Variants in DPP6 observed in about 807,000 individuals in gnomAD.
DPP6 encodes the protein dipeptidyl peptidase like 6.
Under a neutral mutation model 122.6 loss-of-function variants are expected in DPP6, and 69 were observed. The observed-to-expected ratio is 0.56, with a 90% CI of 0.46 to 0.69. DPP6 has a LOEUF of 0.69. DPP6 is among the 30% of genes least tolerant of loss of function. The pLI is 0.00. For synonymous variants in DPP6, 418 were observed against 433.1 expected (o/e 0.97, Z 0.43); for missense variants, 928 against 1,116.9 (o/e 0.83, Z 2.41).
chr7:154,504,440 G>T (rs1825510485), intron 3 of DPP6, among the ~76,000 whole-genome samples: 1 of 152,138 alleles, frequency 6.6e-6, no homozygotes, highest in Admixed American at 6.6e-5. Flanking sequence ...GCGATGTGAC[G>T]TATGATCATT....
At chr7:154,314,380 C>T (rs1807246246) in intron 1 of DPP6, among the ~76,000 whole-genome samples, 1 of 152,196 alleles carries the variant, frequency 6.6e-6, no homozygotes, top group Non-Finnish European at 1.5e-5. Flanking sequence ...TTATTTTCAG[C>T]ATTTGGTCAG....
chr7:154,533,722 G>A (rs2130151432), intron 3 of DPP6, among the ~76,000 whole-genome samples: 1 of 152,270 alleles, frequency 6.6e-6, no homozygotes, highest in African/African-American at 2.4e-5. Context: ...AATAGGCCTG[G>A]CATGGTGCCT....
chr7:154,460,170 C>A (rs117166342), intron 2 of DPP6, among the ~76,000 whole-genome samples: 1 of 151,756 alleles, frequency 6.6e-6, no homozygotes, highest in African/African-American at 2.4e-5. Flanking sequence ...TTAATAGAGA[C>A]GGGGTTTCGC....
Position 154,366,353 on chromosome 7 carries a change from C to T in DPP6, c.244-79861C>T, listed in dbSNP as rs528878366. Reference sequence around the variant, plus strand: ...TCCCTGCATCTACAACCAAATACCCCTCCCATCTCTTCCCTGAAGAGAAAT... The same window carrying T: ...TCCCTGCATCTACAACCAAATACCCTTCCCATCTCTTCCCTGAAGAGAAAT... On this transcript the variant is annotated intron_variant, in intron 1 of 25. Coordinates refer to ENST00000377770, the MANE Select transcript of DPP6 (RefSeq NM_130797.4). Among the ~76,000 whole-genome samples the T allele has an allele frequency of 7.9e-5, 12 of 152,314 alleles. 1 individual carries two copies. In the South Asian group the frequency reaches 2.5e-3, roughly 32 times the overall value.
At chr7:153,933,973 T>A (rs1486670742) in intron 1 of DPP6, among the ~76,000 whole-genome samples, 4 of 152,232 alleles carry the variant, frequency 2.6e-5, no homozygotes, top group African/African-American at 9.6e-5. Flanking sequence ...TGTCAGTGGC[T>A]GGTGCAACAA....
chr7:154,207,139 AT>A (rs55692377), intron 1 of DPP6, among the ~76,000 whole-genome samples: 90,005 of 152,086 alleles, frequency 0.59, 29,748 homozygotes, highest in Non-Finnish European at 0.73. Context: ...GCAAAGCCAC[AT>A]TAACACACCC....
intron 1 of DPP6, among the ~76,000 whole-genome samples, chr7:154,255,578 G>T (rs927708449): frequency 6.7e-6 from 1 of 148,786 alleles, no homozygotes; most frequent in African/African-American, 2.6e-5. Flanking sequence ...GGGAGGCCCA[G>T]GCGTCTCATC....
intron 3 of DPP6, among the ~76,000 whole-genome samples, chr7:154,506,929 G>T (rs1249475538): frequency 6.6e-6 from 1 of 152,142 alleles, no homozygotes; most frequent in African/African-American, 2.4e-5. Context: ...GATTAACACT[G>T]TTGGGAATAA....
chr7:154,616,764 G>C (rs534580724), intron 5 of DPP6, among the ~76,000 whole-genome samples: 1 of 152,156 alleles, frequency 6.6e-6, no homozygotes, highest in Non-Finnish European at 1.5e-5. Context: ...AGGAGGAGCC[G>C]TGAGCATTCG....
At chr7:154,718,262 G>A (rs1043431341) in intron 7 of DPP6, among the ~76,000 whole-genome samples, 6 of 150,036 alleles carry the variant, frequency 4.0e-5, no homozygotes, top group African/African-American at 4.9e-5. Context: ...TACTGTAATC[G>A]CCTTTTTCTA....
At chr7:154,338,569 C>T (rs983353143) in intron 1 of DPP6, among the ~76,000 whole-genome samples, 3 of 152,156 alleles carry the variant, frequency 2.0e-5, no homozygotes, top group African/African-American at 7.2e-5. Flanking sequence ...TCCCCAGGGC[C>T]AGTGTTAATT....
intron 1 of DPP6, among the ~76,000 whole-genome samples, chr7:154,267,996 C>T (rs186438200): frequency 6.7e-6 from 1 of 149,138 alleles, no homozygotes; most frequent in African/African-American, 2.6e-5. Flanking sequence ...TATTTATGTG[C>T]ATGTATATAT....
At chr7:154,885,427 C>T (rs576918581) in intron 21 of DPP6, 112 of 626,144 alleles carry the variant, frequency 1.8e-4, no homozygotes, top group Non-Finnish European at 2.5e-4. Context: ...GCGGAGAAGG[C>T]GCACGTCGCA....
intron 7 of DPP6, among the ~76,000 whole-genome samples, chr7:154,688,553 C>T (rs868442392): frequency 1.5e-4 from 23 of 152,076 alleles, no homozygotes; most frequent in Admixed American, 3.3e-4. Flanking sequence ...TTAACTTACA[C>T]GATCACAAGG....
chr7:154,300,993 C>T lies in DPP6; in HGVS notation c.244-145221C>T, dbSNP rs138565101. Among the ~76,000 whole-genome samples, 614 of 152,236 alleles carry T rather than the reference C, an allele frequency of 4.0e-3. 23 individuals are homozygous for T. The highest frequency in any genetic ancestry group is 0.038 in the Admixed American group (582 of 15,294). ...ATAAGAAGAGAGATTAGGACACAGA[C>T]ACACACAGGCGATGTTATATGGTGG... On this transcript the variant is annotated intron_variant, in intron 1 of 25. Transcript: ENST00000377770.
chr7:153,972,878 C>A (rs1796092019), intron 1 of DPP6, among the ~76,000 whole-genome samples: 3 of 151,612 alleles, frequency 2.0e-5, no homozygotes, highest in Admixed American at 2.0e-4. Flanking sequence ...TTGTGAAACT[C>A]ACATAAAATA....
intron 16 of DPP6, among the ~76,000 whole-genome samples, chr7:154,809,341 C>T (rs1417929533): frequency 6.6e-6 from 1 of 151,838 alleles, no homozygotes; most frequent in African/African-American, 2.4e-5. Context: ...CTGTGGTGGC[C>T]CCTCTTTAAT....
At chr7:154,229,042 G>A (rs1166067551) in intron 1 of DPP6, among the ~76,000 whole-genome samples, 1 of 152,166 alleles carries the variant, frequency 6.6e-6, no homozygotes, top group Non-Finnish European at 1.5e-5. Context: ...CATTGTCCTG[G>A]TGGAGAAGCA....
chr7:154,560,254 A>T (rs1830337364), intron 4 of DPP6, among the ~76,000 whole-genome samples: 1 of 152,156 alleles, frequency 6.6e-6, no homozygotes, highest in Non-Finnish European at 1.5e-5. Flanking sequence ...CTTTAAATAT[A>T]ATAAAATATG....
Sources: gnomAD v4.1 joint callset for allele counts (sites outside exome capture counted in the v4.1 genomes callset) on GRCh38, gnomAD v4.1.1 for gene constraint, MANE v1.5 for transcripts, NCBI Gene and HGNC (gene_info 2026-07-23, HGNC 2026-07-21) for gene names.